ARHGAP17: variants seen among roughly 807,000 people sequenced by gnomAD.
ARHGAP17 encodes rho GTPase-activating protein 17.
A neutral mutation model predicts 99.5 loss-of-function variants in ARHGAP17; 57 were observed. The observed-to-expected ratio is 0.57, with a 90% CI of 0.46 to 0.71. The LOEUF is 0.71. Ranked by LOEUF, ARHGAP17 falls within the 30% of genes least tolerant of loss-of-function variation. The pLI, the probability that ARHGAP17 is intolerant of heterozygous loss-of-function variation, is 0.00. For synonymous variants in ARHGAP17, 417 were observed against 429.6 expected (o/e 0.97, Z 0.36); for missense variants, 1,000 against 1,122.4 (o/e 0.89, Z 1.56).
chr16:24,930,697 G>A, intron 19 of ARHGAP17, 87 bp downstream of exon 19: 1 of 1,610,942 alleles, frequency 6.2e-7, no homozygotes, highest in Non-Finnish European at 8.5e-7. Context: ...GCTGACACCT[G>A]GCATAAATCA....
intron 1 of ARHGAP17, among the ~76,000 whole-genome samples, chr16:25,012,706 G>A (rs143541155): frequency 1.1e-4 from 16 of 152,200 alleles, no homozygotes; most frequent in Non-Finnish European, 2.4e-4. Context: ...TCAACAGCAA[G>A]GAAGCAACAG....
At chr16:24,931,978 G>A (rs773399582) in intron 18 of ARHGAP17, among the ~76,000 whole-genome samples, 2 of 152,078 alleles carry the variant, frequency 1.3e-5, no homozygotes, top group African/African-American at 2.4e-5. Flanking sequence ...TTAGCCGGGC[G>A]TGGTGGCATG....
intron 13 of ARHGAP17, 48 bp from the exon 14 acceptor site, chr16:24,947,643 T>A: frequency 2.7e-6 from 4 of 1,479,048 alleles, no homozygotes; most frequent in Non-Finnish European, 3.7e-6. Flanking sequence ...AAATAGCTGC[T>A]GGAATGTTCT....
intron 13 of ARHGAP17, 140 bp from the exon 14 acceptor site, chr16:24,947,735 G>C (rs921939646): frequency 1.5e-6 from 1 of 645,616 alleles, no homozygotes; most frequent in Non-Finnish European, 2.7e-6. Context: ...CTCAGGTGAA[G>C]CATTTTATAC....
intron 1 of ARHGAP17, among the ~76,000 whole-genome samples, chr16:25,007,797 T>C (rs1442434923): frequency 6.6e-6 from 1 of 152,190 alleles, no homozygotes; most frequent in Non-Finnish European, 1.5e-5. Flanking sequence ...GTTGCCAACA[T>C]TTAAATATCA....
chr16:24,948,616 G>T (rs867797898), intron 13 of ARHGAP17, among the ~76,000 whole-genome samples: 1 of 152,024 alleles, frequency 6.6e-6, no homozygotes. Flanking sequence ...TCCAAGGTGG[G>T]TGAGTTAAAT....
intron 3 of ARHGAP17, among the ~76,000 whole-genome samples, chr16:24,976,448 G>T (rs1597440513): frequency 6.6e-6 from 1 of 152,072 alleles, no homozygotes; most frequent in African/African-American, 2.4e-5. Flanking sequence ...AGGATCTCTT[G>T]AGCCCAGGAG....
chr16:24,991,760 T>A (rs2053050102), intron 1 of ARHGAP17, among the ~76,000 whole-genome samples: 1 of 152,112 alleles, frequency 6.6e-6, no homozygotes, highest in Non-Finnish European at 1.5e-5. Flanking sequence ...AAAGCAAGTC[T>A]CCAAGTATAA....
intron 14 of ARHGAP17, among the ~76,000 whole-genome samples, chr16:24,946,840 C>T (rs558457864): frequency 9.8e-5 from 15 of 152,342 alleles, no homozygotes; most frequent in Admixed American, 3.3e-4. Context: ...TCACAATTTA[C>T]TTTTTGTCCA....
chr16:24,954,464 A>G, intron 10 of ARHGAP17, 139 bp downstream of exon 10: 2 of 1,228,176 alleles, frequency 1.6e-6, no homozygotes, highest in South Asian at 3.4e-5. Context: ...CAAAAGCTTG[A>G]AAGCCACTGT....
At chr16:24,993,455 G>A (rs1344148793) in intron 1 of ARHGAP17, among the ~76,000 whole-genome samples, 1 of 152,120 alleles carries the variant, frequency 6.6e-6, no homozygotes, top group Admixed American at 6.5e-5. Context: ...TGGGCATGGT[G>A]GTAGGCACCT....
intron 1 of ARHGAP17, among the ~76,000 whole-genome samples, chr16:24,980,760 C>A (rs547536456): frequency 6.6e-6 from 1 of 152,262 alleles, no homozygotes; most frequent in South Asian, 2.1e-4. Flanking sequence ...ATGCCTCATC[C>A]CTCCTTTAGC....
chr16:24,930,029 TTAAA>T (rs1418824344), intron 19 of ARHGAP17, among the ~76,000 whole-genome samples: 1 of 152,206 alleles, frequency 6.6e-6, no homozygotes, highest in East Asian at 1.9e-4. Context: ...CATCCTTAAA[TTAAA>T]TAATAAATTA....
intron 15 of ARHGAP17, among the ~76,000 whole-genome samples, chr16:24,943,068 AAGT>A (rs1172364272): frequency 1.3e-5 from 2 of 151,992 alleles, no homozygotes; most frequent in Non-Finnish European, 2.9e-5. Flanking sequence ...GCTCTGGGGG[AAGT>A]AGGTGTGGGG....
intron 19 of ARHGAP17, chr16:24,920,488 A>C (rs2050693285): frequency 2.0e-6 from 1 of 487,940 alleles, no homozygotes; most frequent in Admixed American, 3.4e-5. Context: ...GTTGCTTGCT[A>C]TGAGCCCGGA....
In ARHGAP17 at chr16:25,015,314, C is replaced by T; in HGVS notation, c.-53G>A. 7.9e-7 allele frequency: 1 copy of T among 1,260,476 alleles called. No individual in the cohort carries two copies. The highest frequency in any genetic ancestry group is 1.0e-6 in the Non-Finnish European group (1 of 998,874). The allele number at this position is 1,260,476 out of a possible 1,614,324, so 78.1% of individuals were successfully genotyped here. A position where few individuals can be genotyped will look rare whatever the true frequency, so the allele number is the denominator to read the frequency against. On this transcript the variant is annotated 5_prime_UTR_variant, in exon 1 of 20. Transcript: ENST00000289968. ...GGCTCGGGCCGGGCAGGGCGGGGGA[C>T]AGCCTGGCAGCTACTACATCGCTTC...
chr16:24,979,519 C>T (rs4787660), intron 1 of ARHGAP17, among the ~76,000 whole-genome samples: 47,964 of 151,788 alleles, frequency 0.32, 7,800 homozygotes, highest in East Asian at 0.5. Context: ...ATTAGTTCCT[C>T]CTTCAAATTT....
chr16:25,005,546 GCT>G (rs1463466481), intron 1 of ARHGAP17, among the ~76,000 whole-genome samples: 2 of 152,182 alleles, frequency 1.3e-5, no homozygotes, highest in African/African-American at 2.4e-5. Context: ...TCTGTTTGTA[GCT>G]CTGTCTCCAC....
chr16:24,949,474 G>C lies in ARHGAP17; in HGVS notation c.1057C>G (p.Gln353Glu). ...CACAAGTCTTGAAGTTTTTTGTCTT[G>C]ATCCTGCACACTGAGAACAAAAACT... ...EWTQVASVQD[Q>E]DKKLQDLWRT... is the part of the protein sequence containing the mutation. The change falls in exon 13 of 20, where the codon CAA (glutamine) becomes GAA (glutamate). Residue 353 changes from glutamine (Q) to glutamate (E), a missense_variant. Gln to Glu is a conservative substitution (Grantham distance 29). Around this residue, in one of 2 missense-constraint regions of ARHGAP17, gnomAD observed 472 missense variants for 611.1 expected, o/e 0.77. Transcript: ENST00000289968. 1 of 1,612,862 alleles carries C rather than the reference G, an allele frequency of 6.2e-7. No individual in the cohort carries two copies. Among genetic ancestry groups the C allele is most frequent in the Non-Finnish European group, 8.5e-7 (1 of 1,179,690 alleles).
Sources: allele counts gnomAD v4.1 joint callset (sites outside exome capture counted in the v4.1 genomes callset), GRCh38; gene constraint gnomAD v4.1.1; regional missense constraint gnomAD v4.1.1; transcripts MANE v1.5; gene names NCBI Gene and HGNC (gene_info 2026-07-23, HGNC 2026-07-21).